The following SEMA3D variants were observed in gnomAD, a reference collection of about 807,000 sequenced individuals.
The protein encoded by SEMA3D is semaphorin-3D.
A neutral mutation model predicts 100.1 loss-of-function variants in SEMA3D; 84 were observed. The ratio of observed to expected loss-of-function variants is 0.84; its 90% CI spans 0.70 to 1.01. The LOEUF (loss-of-function observed/expected upper bound fraction) is 1.01, where lower values mean the gene tolerates loss of function less well. Among genes scored for constraint, SEMA3D ranks in the 50% least tolerant of loss-of-function variants. The pLI, the probability that SEMA3D is intolerant of heterozygous loss-of-function variation, is 0.00. For synonymous variants in SEMA3D, 312 were observed against 320.7 expected (o/e 0.97, Z 0.29); for missense variants, 875 against 934.1 (o/e 0.94, Z 0.82).
upstream of SEMA3D, among the ~76,000 whole-genome samples, chr7:85,187,704 T>A (rs1420302800): frequency 6.6e-6 from 1 of 152,166 alleles, no homozygotes; most frequent in Non-Finnish European, 1.5e-5. Flanking sequence ...GACGAGAAGA[T>A]CTAAGTTTTG....
At chr7:85,134,760 T>C (rs1258244777) in intron 2 of SEMA3D, among the ~76,000 whole-genome samples, 1 of 152,008 alleles carries the variant, frequency 6.6e-6, no homozygotes, top group Non-Finnish European at 1.5e-5. Flanking sequence ...AGCCCACTTC[T>C]TTGACATATG....
the SEMA3D span, among the ~76,000 whole-genome samples, chr7:85,225,190 C>A: frequency 7.2e-6 from 1 of 138,580 alleles, no homozygotes; most frequent in South Asian, 2.3e-4. Context: ...ATATATAATA[C>A]ATATATGTAA....
At chr7:85,054,861 C>A (rs1583876571) in intron 9 of SEMA3D, among the ~76,000 whole-genome samples, 1 of 151,924 alleles carries the variant, frequency 6.6e-6, no homozygotes, top group African/African-American at 2.4e-5. Context: ...CAAATCTAAG[C>A]AGAAAAATAA....
the SEMA3D span, among the ~76,000 whole-genome samples, chr7:85,196,362 A>G: frequency 2.6e-5 from 4 of 152,144 alleles, no homozygotes; most frequent in Non-Finnish European, 4.4e-5. Context: ...ACAAACAAAC[A>G]AACAAACATG....
intron 2 of SEMA3D, among the ~76,000 whole-genome samples, chr7:85,149,951 C>T (rs530077844): frequency 6.6e-6 from 1 of 152,148 alleles, no homozygotes; most frequent in South Asian, 2.1e-4. Flanking sequence ...AAGGGGGTTA[C>T]ATTCAAGGGG....
At chr7:85,123,685 A>G (rs1789491721) in intron 2 of SEMA3D, among the ~76,000 whole-genome samples, 1 of 152,082 alleles carries the variant, frequency 6.6e-6, no homozygotes, top group Admixed American at 6.6e-5. Flanking sequence ...TGAGTGCTTA[A>G]TAAGTTGTTT....
chr7:85,036,430 G>A (rs1052923973), intron 12 of SEMA3D, among the ~76,000 whole-genome samples: 7 of 152,090 alleles, frequency 4.6e-5, no homozygotes, highest in African/African-American at 1.4e-4. Context: ...GTACAATTAA[G>A]TGAAGAAAAG....
chr7:85,016,261 T>G (rs867760865), intron 15 of SEMA3D, among the ~76,000 whole-genome samples: 85 of 151,682 alleles, frequency 5.6e-4, no homozygotes, highest in Non-Finnish European at 8.9e-4. Flanking sequence ...TTTTTTTTTT[T>G]TTTTTGCATT....
chr7:85,052,843 C>A (rs966361770), intron 9 of SEMA3D, among the ~76,000 whole-genome samples: 2 of 151,800 alleles, frequency 1.3e-5, no homozygotes, highest in Non-Finnish European at 2.9e-5. Context: ...AAATAATAAA[C>A]AAAAGAGTTA....
At chr7:85,152,900 C>G (rs33995980) in intron 2 of SEMA3D, among the ~76,000 whole-genome samples, 19,162 of 152,080 alleles carry the variant, frequency 0.13, 1,426 homozygotes, top group East Asian at 0.35. Flanking sequence ...GTCTAGCAGC[C>G]TAAGGAACTG....
In SEMA3D at chr7:85,072,943, T is replaced by G; in HGVS notation, c.495+19A>C. On this transcript the variant is annotated intron_variant, in intron 6 of 18. Coordinates refer to ENST00000284136, the MANE Select transcript of SEMA3D (RefSeq NM_001384900.1). ...GTATTACAATAAATTATGCTTTTCA[T>G]GCTTTTTCATTATATTACCTCCTTG... 2 of 1,574,782 alleles carry G rather than the reference T, an allele frequency of 1.3e-6. No homozygotes were observed. Among genetic ancestry groups the G allele is most frequent in the Non-Finnish European group, 1.7e-6 (2 of 1,158,906 alleles).
chr7:85,059,695 G>A (rs551342828), intron 8 of SEMA3D, among the ~76,000 whole-genome samples: 1 of 152,176 alleles, frequency 6.6e-6, no homozygotes, highest in African/African-American at 2.4e-5. Context: ...GGAGAGAGTT[G>A]CTTATAAAGC....
At chr7:85,178,626 CA>C (rs935640014) in intron 1 of SEMA3D, among the ~76,000 whole-genome samples, 2 of 151,716 alleles carry the variant, frequency 1.3e-5, no homozygotes, top group Admixed American at 1.3e-4. Context: ...GTAAACAGAG[CA>C]AAAAAATTTG....
At chr7:85,125,346 C>A (rs1789536569) in intron 2 of SEMA3D, among the ~76,000 whole-genome samples, 1 of 152,050 alleles carries the variant, frequency 6.6e-6, no homozygotes, top group South Asian at 2.1e-4. Flanking sequence ...GATACCTACT[C>A]CTCCAACTGG....
chr7:85,140,116 T>C, intron 2 of SEMA3D: 2 of 378,684 alleles, frequency 5.3e-6, no homozygotes. Context: ...TATTATCATA[T>C]AATTTTCAAA....
chr7:85,055,639 CATATACAT>C (rs1364926216), intron 9 of SEMA3D, 70 bp downstream of exon 9: 20 of 164,926 alleles, frequency 1.2e-4, no homozygotes, highest in African/African-American at 1.1e-3. Context: ...AAAGTTTTTT[CATATACAT>C]ATATATATAT....
intron 5 of SEMA3D, among the ~76,000 whole-genome samples, chr7:85,075,042 G>A (rs1373880627): frequency 6.6e-6 from 1 of 152,088 alleles, no homozygotes; most frequent in Non-Finnish European, 1.5e-5. Flanking sequence ...TAGAGTAGGA[G>A]GTTTTATAAT....
chr7:85,210,711 C>T, the SEMA3D span, among the ~76,000 whole-genome samples: 11 of 151,936 alleles, frequency 7.2e-5, no homozygotes, highest in African/African-American at 1.7e-4. Flanking sequence ...ACTGGTTTAT[C>T]TATTGTAGAG....
chr7:85,161,815 A>G (rs1790752276), intron 1 of SEMA3D, among the ~76,000 whole-genome samples: 1 of 152,200 alleles, frequency 6.6e-6, no homozygotes, highest in Admixed American at 6.5e-5. Context: ...CAGGTATGTC[A>G]TCCACTATCT....
Sources: gnomAD v4.1 joint callset for allele counts (sites outside exome capture counted in the v4.1 genomes callset) on GRCh38, gnomAD v4.1.1 for gene constraint, MANE v1.5 for transcripts, NCBI Gene and HGNC (gene_info 2026-07-23, HGNC 2026-07-21) for gene names.